Variants in PGS1 observed in about 807,000 individuals in gnomAD.
PGS1 encodes the protein phosphatidylglycerophosphate synthase 1.
PGS1 carries 44 observed loss-of-function variants against 58.3 expected under a neutral mutation model. That is an observed-to-expected ratio of 0.75 (90% confidence interval 0.59 to 0.97). The LOEUF is 0.97. PGS1 is among the 50% of genes least tolerant of loss of function. The probability of loss-of-function intolerance (pLI) is 0.00; values close to 1 mark genes in which losing one functional copy is unlikely to be tolerated. For synonymous variants in PGS1, 330 were observed against 311.0 expected, an observed-to-expected ratio of 1.06 and a Z score of -0.64; for missense variants, 684 against 731.1, an observed-to-expected ratio of 0.94 and a Z score of 0.74.
At chr17:78,395,083 T>A (rs1423774896) in intron 2 of PGS1, among the ~76,000 whole-genome samples, 1 of 152,142 alleles carries the variant, frequency 6.6e-6, no homozygotes, top group African/African-American at 2.4e-5. Flanking sequence ...ATTCTTCTGG[T>A]TTGTGTCACA....
At chr17:78,409,265 G>T (rs1207232530) in intron 7 of PGS1, among the ~76,000 whole-genome samples, 3 of 152,262 alleles carry the variant, frequency 2.0e-5, no homozygotes, top group Non-Finnish European at 2.9e-5. Context: ...CAGAAAGTGA[G>T]TTTTAGCATG....
chr17:78,391,081 C>CTTA (rs1381563289), intron 1 of PGS1, among the ~76,000 whole-genome samples: 7 of 152,120 alleles, frequency 4.6e-5, no homozygotes, highest in Non-Finnish European at 8.8e-5. Flanking sequence ...GTTGGGATAA[C>CTTA]AGGCATCTGC....
intron 7 of PGS1, among the ~76,000 whole-genome samples, chr17:78,405,856 G>A (rs1009660315): frequency 6.6e-6 from 1 of 152,206 alleles, no homozygotes; most frequent in Non-Finnish European, 1.5e-5. Flanking sequence ...TTTCGGAAGA[G>A]CTGAGTGAGT....
intron 2 of PGS1, among the ~76,000 whole-genome samples, chr17:78,395,258 A>G (rs2083143591): frequency 6.6e-6 from 1 of 152,054 alleles, no homozygotes; most frequent in East Asian, 1.9e-4. Context: ...TGCCTTATTT[A>G]TTTTTTCCCT....
intron 4 of PGS1, among the ~76,000 whole-genome samples, chr17:78,399,029 C>A (rs942289673): frequency 1.3e-5 from 2 of 152,204 alleles, no homozygotes; most frequent in African/African-American, 4.8e-5. Context: ...TCGTCTTCAC[C>A]CAGAGCAGAA....
rs1349685547 is a variant in PGS1, at chr17:78,414,888, T to C, written c.1412T>C (p.Leu471Pro). Residue 471 changes from leucine to proline, a missense_variant, in exon 8 of 10, where the codon CTG (leucine) becomes CCG (proline). Leu to Pro is a moderately conservative substitution (Grantham distance 98). Transcript: ENST00000262764. ...TTCCTTTTCCCCGCAGGCCTCTGGC[T>C]GTACCTGGCAGGGAGCAGCCTGCCC... ...GWTFHAKGLW[L>P]YLAGSSLPCL... The C allele has an allele frequency of 1.2e-6, 2 of 1,614,158 alleles. No individual in the cohort carries two copies. The highest frequency in any genetic ancestry group is 1.7e-6 in the Non-Finnish European group (2 of 1,179,992).
chr17:78,398,860 T>C (rs1294206397), intron 4 of PGS1, among the ~76,000 whole-genome samples: 1 of 152,168 alleles, frequency 6.6e-6, no homozygotes, highest in African/African-American at 2.4e-5. Flanking sequence ...CATGACACCT[T>C]GTCTTTTGGA....
At chr17:78,383,992 G>T (rs1177338678) in intron 1 of PGS1, among the ~76,000 whole-genome samples, 3 of 152,168 alleles carry the variant, frequency 2.0e-5, no homozygotes, top group Non-Finnish European at 4.4e-5. Context: ...GAGGGTGCTG[G>T]GAGTCAGGCT....
At position 78,400,871 on chromosome 17, in the gene PGS1, G is replaced by C. The variant is rs1391289690; in HGVS notation, c.880+16G>C. The C allele has an allele frequency of 6.4e-7, 1 of 1,572,824 alleles. No individual in the cohort carries two copies. Among genetic ancestry groups the C allele is most frequent in the Admixed American group, 1.8e-5 (1 of 56,070 alleles). On this transcript the variant is annotated intron_variant, in intron 6 of 9. Coordinates refer to ENST00000262764, the MANE Select transcript of PGS1 (RefSeq NM_024419.5). This position sits in a 1 kb window ranked among gnomAD's most constrained non-coding sequence, Gnocchi z 4.4. ...CCTTACAAAGGTAGGGGCTGCCGCT[G>C]ACACCCTTCTATGGCTGTGGGTGGG...
chr17:78,414,923 C>T lies in PGS1; in HGVS notation c.1447C>T (p.Leu483=), dbSNP rs368599157. 1 of 1,614,046 alleles carries T rather than the reference C, an allele frequency of 6.2e-7. No individual in the cohort carries two copies. Among genetic ancestry groups the T allele is most frequent in the Non-Finnish European group, 8.5e-7 (1 of 1,180,034 alleles). The stretch of plus-strand genomic sequence containing the variant: ...AGGGAGCAGCCTGCCCTGTCTCACG[C>T]TGATTGGCTCTCCTAATTTTGGGTA... The part of the protein sequence containing the change: ...LAGSSLPCLT[L]IGSPNFGYRS... The change falls in exon 8 of 10, where the codon CTG becomes TTG. Residue 483 remains leucine (L), a synonymous_variant. Coordinates refer to ENST00000262764, the MANE Select transcript of PGS1 (RefSeq NM_024419.5).
chr17:78,392,459 C>A lies in PGS1; in HGVS notation c.144-17C>A. 1 of 1,589,058 alleles carries A rather than the reference C, an allele frequency of 6.3e-7. No individual in the cohort carries two copies. On this transcript the variant is annotated splice_polypyrimidine_tract_variant and intron_variant, in intron 1 of 9. Coordinates refer to ENST00000262764, the MANE Select transcript of PGS1 (RefSeq NM_024419.5). ...AGGTATTTGAGGTGTGACCCAGTTG[C>A]ATATTTCTTTAACCAGGTCACCATG...
intron 6 of PGS1, among the ~76,000 whole-genome samples, chr17:78,402,693 C>A (rs887520176): frequency 6.6e-6 from 1 of 152,164 alleles, no homozygotes; most frequent in Admixed American, 6.5e-5. Flanking sequence ...GGTGATCTGC[C>A]CGCTCCTGCC....
At chr17:78,419,290 CTT>C (rs2085478987) in intron 8 of PGS1, among the ~76,000 whole-genome samples, 1 of 152,252 alleles carries the variant, frequency 6.6e-6, no homozygotes, top group Admixed American at 6.5e-5. Flanking sequence ...GGATTATAGG[CTT>C]TAGCCACTGT....
At chr17:78,385,675 G>A (rs1254678061) in intron 1 of PGS1, among the ~76,000 whole-genome samples, 1 of 152,214 alleles carries the variant, frequency 6.6e-6, no homozygotes, top group East Asian at 1.9e-4. Context: ...TGCCTGCTCG[G>A]CCTCTGAAAG....
At chr17:78,397,888 C>T (rs1277844181) in intron 3 of PGS1, among the ~76,000 whole-genome samples, 2 of 152,210 alleles carry the variant, frequency 1.3e-5, no homozygotes, top group Non-Finnish European at 2.9e-5. Flanking sequence ...ACTAAGCACT[C>T]TTTACGAGGA....
At chr17:78,392,154 G>A (rs866142124) in intron 1 of PGS1, among the ~76,000 whole-genome samples, 2 of 152,162 alleles carry the variant, frequency 1.3e-5, no homozygotes, top group African/African-American at 2.4e-5. Flanking sequence ...GCTTTTATGA[G>A]TTTACTTGTG....
At chr17:78,423,128 C>CCAG (rs2086067852) in intron 9 of PGS1, among the ~76,000 whole-genome samples, 1 of 151,636 alleles carries the variant, frequency 6.6e-6, no homozygotes, top group African/African-American at 2.4e-5. Context: ...AATGTTGATC[C>CCAG]TGTCTTGGTC....
Position 78,406,042 on chromosome 17 carries a change from C to T in PGS1, c.1402+1953C>T, listed in dbSNP as rs55732194. ...GTAAGAAATACTGAAGCCGGCCAGG[C>T]GCGGTGGCTCACGCCTGTAATCCCA... On this transcript the variant is annotated intron_variant, in intron 7 of 9. Transcript: ENST00000262764. Among the ~76,000 whole-genome samples, 1,033 of 113,252 alleles carry T rather than the reference C, an allele frequency of 9.1e-3. 10 individuals are homozygous for T. The highest frequency in any genetic ancestry group is 0.017 in the Non-Finnish European group (708 of 41,518). 74.3% of individuals were successfully genotyped at this position (113,252 alleles called of 152,430 possible).
intron 7 of PGS1, among the ~76,000 whole-genome samples, chr17:78,407,538 G>C (rs1437544567): frequency 1.3e-5 from 2 of 152,226 alleles, no homozygotes; most frequent in African/African-American, 4.8e-5. Context: ...GTGCCTCCTT[G>C]GGTGTGTCTG....
Sources: allele counts gnomAD v4.1 joint callset (sites outside exome capture counted in the v4.1 genomes callset), GRCh38; gene constraint gnomAD v4.1.1; non-coding constraint Gnocchi (gnomAD v3.1); transcripts MANE v1.5; gene names NCBI Gene and HGNC (gene_info 2026-07-23, HGNC 2026-07-21).